Variants in ANK2 observed in about 807,000 individuals in gnomAD.
The protein encoded by ANK2 is ankyrin-2.
In ANK2, 83 loss-of-function variants were observed where a neutral mutation model predicts 360.5. The ratio of observed to expected loss-of-function variants is 0.23; its 90% CI spans 0.19 to 0.28. ANK2 has a LOEUF of 0.28. Among genes scored for constraint, ANK2 ranks in the 10% least tolerant of loss-of-function variants. ANK2 has a pLI of 1.00. For synonymous variants in ANK2, 1,740 were observed against 1,759.5 expected, an observed-to-expected ratio of 0.99 and a Z score of 0.28; for missense variants, 4,201 against 4,795.7, an observed-to-expected ratio of 0.88 and a Z score of 3.66.
intron 1 of ANK2, among the ~76,000 whole-genome samples, chr4:113,154,857 G>A (rs2097220935): frequency 6.6e-6 from 1 of 152,088 alleles, no homozygotes; most frequent in South Asian, 2.1e-4. Context: ...TGTAACCCAG[G>A]CAGTTACAGC....
At chr4:112,976,752 C>T (rs138930607) in intron 2 of ANK2, among the ~76,000 whole-genome samples, 6 of 151,506 alleles carry the variant, frequency 4.0e-5, no homozygotes, top group Admixed American at 2.0e-4. Flanking sequence ...CAAAACATTA[C>T]GCTTAGTGCT....
At chr4:112,719,644 C>A in the ANK2 span, among the ~76,000 whole-genome samples, 1 of 150,392 alleles carries the variant, frequency 6.6e-6, no homozygotes, top group Non-Finnish European at 1.5e-5. Context: ...AGGAGAATGG[C>A]GTGAACCCAG....
chr4:113,337,372 A>G (rs1264687558), intron 31 of ANK2, among the ~76,000 whole-genome samples: 1 of 152,186 alleles, frequency 6.6e-6, no homozygotes, highest in Non-Finnish European at 1.5e-5. Context: ...GCTTTCAGAC[A>G]GCTACCAAAC....
intron 1 of ANK2, among the ~76,000 whole-genome samples, chr4:113,111,537 A>G (rs1581898323): frequency 6.6e-6 from 1 of 152,200 alleles, no homozygotes; most frequent in African/African-American, 2.4e-5. Context: ...TAAAAGGGCT[A>G]AGAAATATAC....
intron 1 of ANK2, among the ~76,000 whole-genome samples, chr4:112,850,504 CTTTTTTTTTT>C (rs60510554): frequency 4.1e-3 from 24 of 5,816 alleles, no homozygotes; most frequent in Non-Finnish European, 5.0e-3. Context: ...CTGTGCTAGT[CTTTTTTTTTT>C]TTTTTTTTTT....
rs1164421295 is a variant in ANK2 at position 113,293,534 on chromosome 4, C to G, written c.2471C>G (p.Thr824Ser). ...GTGACTGAGGAGGTCACCACCACCA[C>G]CACAGTGAGTATGAGTGACTGACTA... The part of the protein sequence containing the change: ...KVVTEEVTTT[T>S]TTITEKHKLN... The change falls in exon 22 of 46, where the codon ACC becomes AGC. Residue 824 changes from threonine (T) to serine (S), a missense_variant. Around this residue, in one of 4 missense-constraint regions of ANK2, gnomAD observed 1,268 missense variants for 1,650.8 expected, o/e 0.77. Coordinates refer to ENST00000357077, the MANE Select transcript of ANK2 (RefSeq NM_001148.6). 4.3e-6 allele frequency: 7 copies of G among 1,612,144 alleles called. No individual in the cohort carries two copies.
the ANK2 span, among the ~76,000 whole-genome samples, chr4:112,748,962 C>T: frequency 5.9e-5 from 9 of 152,320 alleles, no homozygotes; most frequent in South Asian, 1.9e-3. Flanking sequence ...TGCAATGGCG[C>T]AATCTCAGCT....
intron 2 of ANK2, among the ~76,000 whole-genome samples, chr4:112,933,235 T>G (rs961062933): frequency 7.9e-5 from 12 of 152,198 alleles, no homozygotes; most frequent in African/African-American, 1.7e-4. Flanking sequence ...ATTAAAAAAT[T>G]AAGTGAAGAC....
chr4:112,962,870 T>C (rs1164669540), intron 2 of ANK2, among the ~76,000 whole-genome samples: 1 of 152,184 alleles, frequency 6.6e-6, no homozygotes, highest in East Asian at 1.9e-4. Context: ...GCCATTCAGC[T>C]GTATAAGGGA....
At chr4:113,149,596 C>T (rs2096960333) in intron 1 of ANK2, among the ~76,000 whole-genome samples, 1 of 151,830 alleles carries the variant, frequency 6.6e-6, no homozygotes, top group African/African-American at 2.4e-5. Context: ...AGATAAAGGC[C>T]TGGCATGGTG....
At chr4:113,225,331 AT>A (rs2099204593) in intron 4 of ANK2, among the ~76,000 whole-genome samples, 1 of 152,058 alleles carries the variant, frequency 6.6e-6, no homozygotes, top group Admixed American at 6.6e-5. Flanking sequence ...TATTCTGTGA[AT>A]TGTCATTTTT....
chr4:112,738,412 CAA>C, the ANK2 span, among the ~76,000 whole-genome samples: 23 of 51,010 alleles, frequency 4.5e-4, no homozygotes, highest in Admixed American at 8.5e-4. Context: ...GAGTCTGTCT[CAA>C]AAAAAAAAAA....
At chr4:113,038,127 G>A (rs1162711788) in intron 2 of ANK2, among the ~76,000 whole-genome samples, 8 of 151,602 alleles carry the variant, frequency 5.3e-5, no homozygotes, top group Admixed American at 3.3e-4. Context: ...AGGCTGTTAC[G>A]AGGTCATATA....
At chr4:112,740,318 A>G in the ANK2 span, among the ~76,000 whole-genome samples, 8 of 152,088 alleles carry the variant, frequency 5.3e-5, no homozygotes, top group South Asian at 2.1e-4. Flanking sequence ...GCTCATTGTA[A>G]CCTCGAACTC....
At chr4:113,176,554 G>A (rs1583932900) in intron 2 of ANK2, among the ~76,000 whole-genome samples, 1 of 151,526 alleles carries the variant, frequency 6.6e-6, no homozygotes, top group East Asian at 1.9e-4. Flanking sequence ...ACTCCCATAT[G>A]GATATATGGA....
At chr4:113,210,594 C>A (rs151162146) in intron 4 of ANK2, among the ~76,000 whole-genome samples, 40 of 152,228 alleles carry the variant, frequency 2.6e-4, no homozygotes, top group African/African-American at 9.6e-4. Flanking sequence ...AGCCTTGTGA[C>A]CTTGGACAAG....
At chr4:113,027,390 G>A (rs1392584579) in intron 2 of ANK2, among the ~76,000 whole-genome samples, 1 of 152,118 alleles carries the variant, frequency 6.6e-6, no homozygotes, top group Non-Finnish European at 1.5e-5. Flanking sequence ...GGCAGGTTAT[G>A]CTTCAATAAA....
chr4:112,944,618 T>A (rs891402514), intron 2 of ANK2, among the ~76,000 whole-genome samples: 10 of 152,202 alleles, frequency 6.6e-5, no homozygotes, highest in Non-Finnish European at 1.5e-4. Context: ...AATGGGTGGA[T>A]ATCTAGGGTT....
At chr4:113,312,941 C>A (rs1003771505) in intron 24 of ANK2, among the ~76,000 whole-genome samples, 3 of 152,096 alleles carry the variant, frequency 2.0e-5, no homozygotes, top group Non-Finnish European at 4.4e-5. Flanking sequence ...AGCACTCTAA[C>A]CTTGGTGATA....
Sources: gnomAD v4.1 joint callset for allele counts (sites outside exome capture counted in the v4.1 genomes callset) on GRCh38, gnomAD v4.1.1 for gene constraint, gnomAD v4.1.1 regional missense constraint, MANE v1.5 for transcripts, NCBI Gene and HGNC (gene_info 2026-07-23, HGNC 2026-07-21) for gene names.